Variants in AGBL4 observed in about 807,000 individuals in gnomAD.
AGBL4 encodes AGBL carboxypeptidase 4, also known as cytosolic carboxypeptidase 6.
A neutral mutation model predicts 66.4 loss-of-function variants in AGBL4; 58 were observed. The ratio of observed to expected loss-of-function variants is 0.87; its 90% confidence interval spans 0.71 to 1.09. The LOEUF (loss-of-function observed/expected upper bound fraction) is 1.09, where lower values mean the gene tolerates loss of function less well. Ranked by LOEUF, AGBL4 falls within the 50% of genes least tolerant of loss-of-function variation. The probability of loss-of-function intolerance (pLI) is 0.00; values close to 1 mark genes in which losing one functional copy is unlikely to be tolerated. For synonymous variants in AGBL4, 234 were observed against 222.9 expected (o/e 1.05, Z -0.44); for missense variants, 579 against 631.0 (o/e 0.92, Z 0.88).
intron 4 of AGBL4, among the ~76,000 whole-genome samples, chr1:49,077,698 GTAAA>G (rs1296609995): frequency 6.6e-6 from 1 of 152,050 alleles, no homozygotes; most frequent in Admixed American, 6.6e-5. Flanking sequence ...TAAAATCTAT[GTAAA>G]TAAACACTAA....
At chr1:48,571,508 G>T (rs892989235) in intron 11 of AGBL4, among the ~76,000 whole-genome samples, 4 of 152,218 alleles carry the variant, frequency 2.6e-5, no homozygotes, top group African/African-American at 9.6e-5. Context: ...TTCATCAGGG[G>T]ACACTATGAG....
chr1:48,883,956 A>T (rs534432096), intron 5 of AGBL4, among the ~76,000 whole-genome samples: 6 of 152,212 alleles, frequency 3.9e-5, no homozygotes, highest in Non-Finnish European at 8.8e-5. Flanking sequence ...AGAGGAAGTC[A>T]TTATTTATAG....
chr1:48,586,678 G>T, intron 11 of AGBL4: 1 of 295,228 alleles, frequency 3.4e-6, no homozygotes, highest in South Asian at 4.5e-5. Context: ...CCAGCCTGTG[G>T]ACTTGCATAG....
Position 48,638,947 on chromosome 1 carries a change from C to T in AGBL4, c.840-4343G>A, listed in dbSNP as rs547034770. ...GGCTAGAAAAGGTAAGCCATTCTTT[C>T]GAGGCTACATAACAAGTACTCTAAA... On this transcript the variant is annotated intron_variant, in intron 8 of 13. Transcript: ENST00000371839. 3.9e-5 allele frequency among the ~76,000 whole-genome samples: 6 copies of T among 152,248 alleles called. No individual in the cohort carries two copies. In the East Asian group the frequency reaches 5.8e-4, roughly 15 times the overall value.
intron 1 of AGBL4, among the ~76,000 whole-genome samples, chr1:49,976,511 T>G (rs1658570773): frequency 6.6e-6 from 1 of 152,204 alleles, no homozygotes; most frequent in African/African-American, 2.4e-5. Context: ...GCCCATTTTT[T>G]TCATCTTTGT....
intron 3 of AGBL4, among the ~76,000 whole-genome samples, chr1:49,381,686 G>A (rs1375413195): frequency 6.6e-6 from 1 of 152,032 alleles, no homozygotes; most frequent in Non-Finnish European, 1.5e-5. Context: ...ATGAGTTCAT[G>A]TCCTTTGTAG....
At chr1:48,677,632 G>A (rs1340443297) in intron 6 of AGBL4, among the ~76,000 whole-genome samples, 3 of 152,186 alleles carry the variant, frequency 2.0e-5, no homozygotes, top group Admixed American at 6.5e-5. Flanking sequence ...CACATGATGA[G>A]CAGCTGCGAC....
intron 6 of AGBL4, among the ~76,000 whole-genome samples, chr1:48,843,018 G>A (rs1646839147): frequency 6.6e-6 from 1 of 152,088 alleles, no homozygotes; most frequent in African/African-American, 2.4e-5. Context: ...GGAGCTGGGG[G>A]AAGGGGAAAA....
At position 49,878,173 on chromosome 1, in the gene AGBL4, G is replaced by A. The variant is rs541214750; in HGVS notation, c.35-26655C>T. 4.9e-4 allele frequency among the ~76,000 whole-genome samples: 71 copies of A among 145,938 alleles called. No individual in the cohort carries two copies. In the East Asian group the frequency reaches 0.011, roughly 23 times the overall value. On this transcript the variant is annotated intron_variant, in intron 1 of 13. Coordinates refer to ENST00000371839, the MANE Select transcript of AGBL4 (RefSeq NM_032785.4). ...TCTCTATTTCCTTCAGTTCTGCTCTGATTTTAGTTATTTCTTGCCTTCTGC... is the reference window on the plus strand; with the variant it reads ...TCTCTATTTCCTTCAGTTCTGCTCTAATTTTAGTTATTTCTTGCCTTCTGC...
intron 1 of AGBL4, among the ~76,000 whole-genome samples, chr1:49,920,052 C>T (rs1396575070): frequency 6.6e-6 from 1 of 151,884 alleles, no homozygotes; most frequent in East Asian, 1.9e-4. Context: ...AAAGCTGAAA[C>T]TGGATCCCTT....
At chr1:49,528,194 A>G (rs968641405) in intron 3 of AGBL4, among the ~76,000 whole-genome samples, 1 of 152,110 alleles carries the variant, frequency 6.6e-6, no homozygotes, top group African/African-American at 2.4e-5. Context: ...AAGGAGATGT[A>G]GAAAAAGCAT....
intron 3 of AGBL4, among the ~76,000 whole-genome samples, chr1:49,534,828 A>T (rs1238068977): frequency 6.6e-6 from 1 of 152,262 alleles, no homozygotes; most frequent in East Asian, 1.9e-4. Context: ...CCACCAGATC[A>T]CACCGTGAAG....
chr1:49,098,872 T>C (rs1051896524), intron 4 of AGBL4, among the ~76,000 whole-genome samples: 2 of 152,234 alleles, frequency 1.3e-5, no homozygotes, highest in Admixed American at 1.3e-4. Flanking sequence ...TTTTGATACA[T>C]GGCAATATGC....
At chr1:49,836,341 A>T (rs1645848831) in intron 2 of AGBL4, among the ~76,000 whole-genome samples, 1 of 151,966 alleles carries the variant, frequency 6.6e-6, no homozygotes, top group South Asian at 2.1e-4. Flanking sequence ...TCAATCTCTG[A>T]TATTCTTTTT....
chr1:49,003,971 C>A (rs1430746841), intron 5 of AGBL4, among the ~76,000 whole-genome samples: 2 of 152,268 alleles, frequency 1.3e-5, no homozygotes, highest in East Asian at 1.9e-4. Context: ...TGGTTTCTTA[C>A]CAAATTTGAT....
intron 1 of AGBL4, among the ~76,000 whole-genome samples, chr1:49,882,557 A>G (rs1040545787): frequency 2.6e-5 from 4 of 152,002 alleles, no homozygotes; most frequent in Non-Finnish European, 4.4e-5. Flanking sequence ...ATCCTCTTTA[A>G]TTTCATTGAG....
At chr1:49,154,367 CATA>C (rs1307929498) in intron 4 of AGBL4, among the ~76,000 whole-genome samples, 1 of 151,344 alleles carries the variant, frequency 6.6e-6, no homozygotes, top group Non-Finnish European at 1.5e-5. Context: ...GTACTCAGGA[CATA>C]ATAAAATGCA....
Position 49,183,649 on chromosome 1 carries a change from G to A in AGBL4, c.377+62121C>T, listed in dbSNP as rs113218235. The stretch of plus-strand genomic sequence containing the variant: ...CCCTACCTCCACCCACACAATAGAT[G>A]CATACATACCTATATAACAATGTTA... On this transcript the variant is annotated intron_variant, in intron 4 of 13. Coordinates refer to ENST00000371839, the MANE Select transcript of AGBL4 (RefSeq NM_032785.4). Among the ~76,000 whole-genome samples, 1,090 of 152,206 alleles carry A rather than the reference G, an allele frequency of 7.2e-3. 12 individuals carry two copies. Among genetic ancestry groups the A allele is most frequent in the South Asian group, 0.014 (68 of 4,822 alleles).
At chr1:49,127,927 A>G (rs1645799084) in intron 4 of AGBL4, among the ~76,000 whole-genome samples, 1 of 152,122 alleles carries the variant, frequency 6.6e-6, no homozygotes, top group Non-Finnish European at 1.5e-5. Context: ...ACAATGCCCA[A>G]CAGTCAATCA....
Sources: allele counts gnomAD v4.1 joint callset (sites outside exome capture counted in the v4.1 genomes callset), GRCh38; gene constraint gnomAD v4.1.1; transcripts MANE v1.5; gene names NCBI Gene and HGNC (gene_info 2026-07-23, HGNC 2026-07-21).